CAPZB: variants seen among roughly 807,000 people sequenced by gnomAD.
CAPZB encodes capping actin protein of muscle Z-line subunit beta.
CAPZB carries 2 observed loss-of-function variants against 38.1 expected under a neutral mutation model. The ratio of observed to expected loss-of-function variants is 0.05; its 90% CI spans 0.02 to 0.17. CAPZB has a LOEUF of 0.17. Ranked by LOEUF, CAPZB falls within the 10% of genes least tolerant of loss-of-function variation. CAPZB has a pLI of 1.00. For synonymous variants in CAPZB, 107 were observed against 127.4 expected (o/e 0.84, Z 1.08); for missense variants, 161 against 334.2 (o/e 0.48, Z 4.04).
chr1:19,409,473 G>T (rs1454831282), intron 2 of CAPZB, among the ~76,000 whole-genome samples: 1 of 152,164 alleles, frequency 6.6e-6, no homozygotes, highest in Non-Finnish European at 1.5e-5. Flanking sequence ...CATATTAGGC[G>T]TTTGTGTTTC....
chr1:19,431,674 T>C (rs982613180), intron 1 of CAPZB, among the ~76,000 whole-genome samples: 3 of 151,372 alleles, frequency 2.0e-5, no homozygotes, highest in Non-Finnish European at 2.9e-5. Flanking sequence ...TGAGCCGAGA[T>C]TGCACCACTG....
chr1:19,362,330 G>A (rs536256481), intron 4 of CAPZB, among the ~76,000 whole-genome samples: 5 of 152,256 alleles, frequency 3.3e-5, no homozygotes, highest in Middle Eastern at 3.4e-3. Context: ...TCCACTTCCC[G>A]GGTTCAAGTG....
intron 1 of CAPZB, among the ~76,000 whole-genome samples, chr1:19,460,497 G>A (rs940743345): frequency 2.9e-4 from 43 of 150,370 alleles, no homozygotes; most frequent in African/African-American, 8.8e-4. Flanking sequence ...GGATGGTCTC[G>A]ATCTCTTGAC....
intron 1 of CAPZB, among the ~76,000 whole-genome samples, chr1:19,441,390 C>T (rs973377364): frequency 2.0e-5 from 3 of 152,158 alleles, no homozygotes; most frequent in Non-Finnish European, 4.4e-5. Context: ...TGGGACTCGG[C>T]TTTGTTGCCC....
chr1:19,411,192 C>A (rs1330807444), intron 2 of CAPZB, among the ~76,000 whole-genome samples: 2 of 152,054 alleles, frequency 1.3e-5, no homozygotes, highest in South Asian at 2.1e-4. Context: ...GTGAGACCCC[C>A]ATCTCTATTT....
intron 1 of CAPZB, among the ~76,000 whole-genome samples, chr1:19,434,011 G>A (rs1299772022): frequency 2.0e-5 from 3 of 152,174 alleles, no homozygotes; most frequent in African/African-American, 7.2e-5. Context: ...TGACAGAAAT[G>A]TACAATGCAA....
At chr1:19,387,431 A>T (rs1159296318) in intron 2 of CAPZB, among the ~76,000 whole-genome samples, 2 of 152,206 alleles carry the variant, frequency 1.3e-5, no homozygotes. Context: ...AACAGCTTCC[A>T]CCCGAGGCCA....
At chr1:19,475,206 A>C (rs2094602779) in intron 1 of CAPZB, among the ~76,000 whole-genome samples, 1 of 152,194 alleles carries the variant, frequency 6.6e-6, no homozygotes, top group Admixed American at 6.5e-5. Flanking sequence ...AATCCATCAG[A>C]AATATCTACT....
intron 1 of CAPZB, among the ~76,000 whole-genome samples, chr1:19,436,455 CTTCT>C (rs1043905404): frequency 4.6e-5 from 7 of 152,222 alleles, no homozygotes; most frequent in African/African-American, 7.2e-5. Context: ...GACAAAAGGG[CTTCT>C]TTAAGTGCAA....
intron 2 of CAPZB, among the ~76,000 whole-genome samples, chr1:19,400,786 A>G (rs554933171): frequency 4.5e-4 from 68 of 152,300 alleles, no homozygotes; most frequent in Non-Finnish European, 7.4e-4. Context: ...CTATGAGGAC[A>G]AGGCCAAGGA....
At chr1:19,358,916 A>G (rs1278244138) in intron 4 of CAPZB, among the ~76,000 whole-genome samples, 1 of 152,234 alleles carries the variant, frequency 6.6e-6, no homozygotes, top group East Asian at 1.9e-4. Context: ...GACAGACCCA[A>G]TGACAGCTCT....
chr1:19,393,338 G>GTTAGAGAAA (rs2094248003), intron 2 of CAPZB, among the ~76,000 whole-genome samples: 1 of 152,194 alleles, frequency 6.6e-6, no homozygotes, highest in Admixed American at 6.5e-5. Context: ...GTACCCCTGA[G>GTTAGAGAAA]TAACCAGAGG....
intron 2 of CAPZB, among the ~76,000 whole-genome samples, chr1:19,405,031 C>T (rs922121990): frequency 3.9e-5 from 6 of 152,124 alleles, no homozygotes; most frequent in African/African-American, 1.4e-4. Flanking sequence ...AGACTCTGTC[C>T]ATATACTGCC....
intron 8 of CAPZB, among the ~76,000 whole-genome samples, chr1:19,341,566 G>A (rs1209384700): frequency 6.6e-6 from 1 of 152,212 alleles, no homozygotes; most frequent in Non-Finnish European, 1.5e-5. Flanking sequence ...AAGCAACCTC[G>A]AATCAGCGCT....
At chr1:19,401,733 T>C (rs1281553703) in intron 2 of CAPZB, among the ~76,000 whole-genome samples, 1 of 152,128 alleles carries the variant, frequency 6.6e-6, no homozygotes, top group Non-Finnish European at 1.5e-5. Flanking sequence ...TTTGTTTGCA[T>C]TTTTCCAAGT....
At chr1:19,432,058 A>AG (rs1173215912) in intron 1 of CAPZB, among the ~76,000 whole-genome samples, 6 of 144,688 alleles carry the variant, frequency 4.1e-5, no homozygotes, top group African/African-American at 1.4e-4. Flanking sequence ...AAAAAAAAAA[A>AG]AAAAAAAGAA....
intron 1 of CAPZB, among the ~76,000 whole-genome samples, chr1:19,478,651 TGAGTCTTTCA>T (rs2094615815): frequency 6.6e-6 from 1 of 151,468 alleles, no homozygotes; most frequent in South Asian, 2.1e-4. Context: ...CACTCACTCC[TGAGTCTTTCA>T]GAACTTTGGA....
At chr1:19,441,036 G>A (rs2094474593) in intron 1 of CAPZB, among the ~76,000 whole-genome samples, 1 of 152,104 alleles carries the variant, frequency 6.6e-6, no homozygotes, top group African/African-American at 2.4e-5. Flanking sequence ...CTCCAGCCTG[G>A]GCGACAGAGT....
intron 3 of CAPZB, among the ~76,000 whole-genome samples, chr1:19,382,677 G>T (rs1257144610): frequency 6.6e-6 from 1 of 152,174 alleles, no homozygotes; most frequent in Non-Finnish European, 1.5e-5. Context: ...GGGTGACCTG[G>T]AAGGGCTGCA....
Sources: allele counts gnomAD v4.1 joint callset (sites outside exome capture counted in the v4.1 genomes callset), GRCh38; gene constraint gnomAD v4.1.1; transcripts MANE v1.5; gene names NCBI Gene and HGNC (gene_info 2026-07-23, HGNC 2026-07-21).